FRMD3: variants seen among roughly 807,000 people sequenced by gnomAD.
FRMD3 encodes the protein FERM domain containing 3, also known as FERM domain-containing protein 3.
A neutral mutation model predicts 70.2 loss-of-function variants in FRMD3; 33 were observed. The observed-to-expected ratio is 0.47, with a 90% CI of 0.36 to 0.63. The LOEUF is 0.63. Among genes scored for constraint, FRMD3 ranks in the 20% least tolerant of loss-of-function variants. FRMD3 has a pLI of 0.00. For synonymous variants in FRMD3, 279 were observed against 255.9 expected, an observed-to-expected ratio of 1.09 and a Z score of -0.86; for missense variants, 632 against 711.4, an observed-to-expected ratio of 0.89 and a Z score of 1.27.
At chr9:83,415,182 C>T (rs554368109) in intron 1 of FRMD3, among the ~76,000 whole-genome samples, 2 of 152,194 alleles carry the variant, frequency 1.3e-5, no homozygotes, top group Non-Finnish European at 2.9e-5. Context: ...ACTCTCTCTT[C>T]CCTGTGATCT....
intron 3 of FRMD3, among the ~76,000 whole-genome samples, chr9:83,353,047 C>T (rs1424881786): frequency 1.3e-5 from 2 of 152,170 alleles, no homozygotes; most frequent in African/African-American, 4.8e-5. Context: ...AGAGGAGGCA[C>T]TTTTCAAGTT....
In FRMD3 at chr9:83,497,305, T is replaced by C. The variant is rs114316534; in HGVS notation, c.147+40780A>G. Reference sequence around the variant, plus strand: ...TTTATGAGCACCTGTGCCCAAAAGATCTCAAGGTAAATTAGCATTGTACCA... The same window carrying C: ...TTTATGAGCACCTGTGCCCAAAAGACCTCAAGGTAAATTAGCATTGTACCA... On this transcript the variant is annotated intron_variant, in intron 1 of 13. Transcript: ENST00000304195. 4.8e-3 allele frequency among the ~76,000 whole-genome samples: 734 copies of C among 152,090 alleles called. 6 individuals are homozygous for C. The highest frequency in any genetic ancestry group is 0.017 in the African/African-American group (701 of 41,482).
At chr9:83,464,995 G>A (rs1828083252) in intron 1 of FRMD3, among the ~76,000 whole-genome samples, 1 of 148,636 alleles carries the variant, frequency 6.7e-6, no homozygotes, top group African/African-American at 2.5e-5. Flanking sequence ...ACTCCAGCCT[G>A]GGTAACAGAG....
the FRMD3 span, among the ~76,000 whole-genome samples, chr9:83,575,001 T>G: frequency 2.0e-5 from 3 of 152,140 alleles, no homozygotes; most frequent in African/African-American, 7.2e-5. Flanking sequence ...TCGTTCTGTG[T>G]CTACTTTCAT....
At chr9:83,322,141 A>C (rs1157460050) in intron 6 of FRMD3, among the ~76,000 whole-genome samples, 1 of 151,956 alleles carries the variant, frequency 6.6e-6, no homozygotes, top group Non-Finnish European at 1.5e-5. Flanking sequence ...TATGGACAAG[A>C]AGATGTGGAT....
intron 1 of FRMD3, among the ~76,000 whole-genome samples, chr9:83,531,332 A>G (rs540045060): frequency 5.9e-5 from 9 of 152,366 alleles, no homozygotes; most frequent in South Asian, 4.1e-4. Context: ...TACACCGTCA[A>G]TGTGCAGCTA....
chr9:83,372,877 A>T, intron 3 of FRMD3, 36 bp downstream of exon 3: 1 of 1,573,262 alleles, frequency 6.4e-7, no homozygotes, highest in South Asian at 1.1e-5. Context: ...CTTTGGACAC[A>T]TTGTAGCAAA....
At chr9:83,291,086 A>G (rs1289274767) in intron 12 of FRMD3, among the ~76,000 whole-genome samples, 1 of 152,224 alleles carries the variant, frequency 6.6e-6, no homozygotes, top group Admixed American at 6.5e-5. Flanking sequence ...AGAAAAGTGA[A>G]TGAAGGGCAT....
At chr9:83,423,585 CTTTTTTTTTTTTT>C (rs869226126) in intron 1 of FRMD3, among the ~76,000 whole-genome samples, 99 of 60,494 alleles carry the variant, frequency 1.6e-3, no homozygotes, top group Non-Finnish European at 2.6e-3. Flanking sequence ...AGCCCTGTTT[CTTTTTTTTTTTTT>C]TTTTTTTTTT....
chr9:83,332,830 A>G (rs536084995), intron 6 of FRMD3, among the ~76,000 whole-genome samples: 1 of 152,272 alleles, frequency 6.6e-6, no homozygotes, highest in South Asian at 2.1e-4. Context: ...TCCCTAGCTA[A>G]GTGGGAGGGT....
In FRMD3 at chr9:83,278,850, A is replaced by G. The variant is rs552994098; in HGVS notation, c.1195+11753T>C. 7.9e-5 allele frequency among the ~76,000 whole-genome samples: 12 copies of G among 152,286 alleles called. No individual in the cohort carries two copies. In the South Asian group the frequency reaches 2.5e-3, roughly 32 times the overall value. The stretch of plus-strand genomic sequence containing the variant: ...AAGGTGGGCATGAGAGCCAGAGAGC[A>G]GGACAGAGCAACAGAGAGAGCAAAC... On this transcript the variant is annotated intron_variant, in intron 13 of 13. Transcript: ENST00000304195.
chr9:83,576,407 T>A, the FRMD3 span, among the ~76,000 whole-genome samples: 1 of 152,158 alleles, frequency 6.6e-6, no homozygotes, highest in East Asian at 1.9e-4. Flanking sequence ...TAATAAAAAG[T>A]ATCTACAAGA....
intron 2 of FRMD3, among the ~76,000 whole-genome samples, chr9:83,375,653 A>G (rs1825119111): frequency 6.6e-6 from 1 of 152,184 alleles, no homozygotes; most frequent in Non-Finnish European, 1.5e-5. Flanking sequence ...TCACTTATAA[A>G]TGGGAGCTAA....
the FRMD3 span, among the ~76,000 whole-genome samples, chr9:83,581,326 C>T: frequency 8.5e-5 from 13 of 152,114 alleles, no homozygotes; most frequent in Non-Finnish European, 1.8e-4. Flanking sequence ...ATAGACAGTC[C>T]TCCAAAGATA....
At chr9:83,487,276 CAGGCTTTGTTA>C (rs1415122087) in intron 1 of FRMD3, among the ~76,000 whole-genome samples, 1 of 152,130 alleles carries the variant, frequency 6.6e-6, no homozygotes, top group Admixed American at 6.6e-5. Flanking sequence ...GTGAATCAGG[CAGGCTTTGTTA>C]AAAGCATTTC....
In FRMD3 at chr9:83,407,845, C is replaced by CTG. The variant is rs1826153631; in HGVS notation, c.148-18138_148-18137insCA. Among the ~76,000 whole-genome samples, 4 of 125,714 alleles carry CTG rather than the reference C, an allele frequency of 3.2e-5. No homozygotes were observed. In the South Asian group the frequency reaches 7.2e-4, roughly 23 times the overall value. 82.5% of individuals were successfully genotyped at this position (125,714 alleles called of 152,430 possible). On this transcript the variant is annotated intron_variant, in intron 1 of 13. Coordinates refer to ENST00000304195, the MANE Select transcript of FRMD3 (RefSeq NM_174938.6). Reference sequence around the variant, plus strand: ...AGGAGGGGGGTTGTTGAGTCTCTCTCTCTCTCTCTCTCTCTCTCTCTCTCT... The same window carrying CTG: ...AGGAGGGGGGTTGTTGAGTCTCTCTCTGTCTCTCTCTCTCTCTCTCTCTCTCT...
intron 1 of FRMD3, among the ~76,000 whole-genome samples, chr9:83,402,997 G>A (rs867509403): frequency 1.1e-4 from 15 of 139,926 alleles, no homozygotes; most frequent in African/African-American, 3.0e-4. Context: ...TCCGCCTCCC[G>A]GGTTCAAGCG....
rs904496243 is a variant in FRMD3, at chr9:83,338,375, T to C, written c.473-2736A>G. Among the ~76,000 whole-genome samples the C allele has an allele frequency of 4.6e-5, 7 of 152,152 alleles. No individual in the cohort carries two copies. The East Asian group carries it at 1.3e-3, about 29-fold the overall frequency. ...ACCTAGCAATCCCATTTCTGGGCAT[T>C]TTTCCTAGAAAAACTCTAGGTGCAA... is the stretch of plus-strand genomic sequence containing the variant. On this transcript the variant is annotated intron_variant, in intron 5 of 13. Coordinates refer to ENST00000304195, the MANE Select transcript of FRMD3 (RefSeq NM_174938.6).
chr9:83,438,413 T>TTTTGTTTTGTTTTGTTTTG (rs10651216), intron 1 of FRMD3, among the ~76,000 whole-genome samples: 248 of 151,240 alleles, frequency 1.6e-3, no homozygotes, highest in African/African-American at 5.8e-3. Flanking sequence ...GAGAGTTTTT[T>TTTTGTTTTGTTTTGTTTTG]TTTTGTTTTG....
Sources: allele counts gnomAD v4.1 joint callset (sites outside exome capture counted in the v4.1 genomes callset), GRCh38; gene constraint gnomAD v4.1.1; transcripts MANE v1.5; gene names NCBI Gene and HGNC (gene_info 2026-07-23, HGNC 2026-07-21).